DYTN: variants seen among roughly 807,000 people sequenced by gnomAD.
The protein encoded by DYTN is dystrotelin.
Under a neutral mutation model 69.6 loss-of-function variants are expected in DYTN, and 75 were observed. The observed-to-expected ratio is 1.08, with a 90% CI of 0.89 to 1.31. The LOEUF (loss-of-function observed/expected upper bound fraction) is 1.31, where lower values mean the gene tolerates loss of function less well. DYTN is among the 50% of genes most tolerant of loss of function. The pLI, the probability that DYTN is intolerant of heterozygous loss-of-function variation, is 0.00. For synonymous variants in DYTN, 252 were observed against 249.1 expected, an observed-to-expected ratio of 1.01 and a Z score of -0.11; for missense variants, 726 against 688.4, an observed-to-expected ratio of 1.05 and a Z score of -0.61.
intron 5 of DYTN, 37 bp from the exon 6 acceptor site, chr2:206,700,253 G>A: frequency 6.2e-7 from 1 of 1,610,346 alleles, no homozygotes. Context: ...GTTAGAAAGT[G>A]GAGAAATATG....
Position 206,699,848 on chromosome 2 carries a change from C to T in DYTN, c.598G>A (p.Val200Ile), listed in dbSNP as rs543274186. The T allele has an allele frequency of 1.9e-6, 3 of 1,613,678 alleles. No homozygotes were observed. Among genetic ancestry groups the T allele is most frequent in the African/African-American group, 2.7e-5 (2 of 74,998 alleles). The stretch of plus-strand genomic sequence containing the variant: ...AGGAGGATGGGAGGCTCAGATTGGA[C>T]CCAAGACAGGAATTTTTCTTCTTTG... Reference protein sequence around the residue: ...AIKEEKFLSWVQSEPPILLWL... With the variant: ...AIKEEKFLSWIQSEPPILLWL... The change falls in exon 7 of 12, where the codon GTC becomes ATC. Residue 200 changes from valine to isoleucine, a missense_variant. Val to Ile is a conservative substitution (Grantham distance 29). Transcript: ENST00000452335.
chr2:206,706,205 G>A (rs184267096), intron 3 of DYTN, among the ~76,000 whole-genome samples: 4 of 152,090 alleles, frequency 2.6e-5, no homozygotes, highest in African/African-American at 9.6e-5. Context: ...TCAGTTGCCT[G>A]GAAACCAAGC....
At chr2:206,691,494 A>G (rs1699862517) in intron 9 of DYTN, among the ~76,000 whole-genome samples, 1 of 152,212 alleles carries the variant, frequency 6.6e-6, no homozygotes, top group Non-Finnish European at 1.5e-5. Context: ...TATCCAATAT[A>G]TATATAGATG....
intron 9 of DYTN, among the ~76,000 whole-genome samples, chr2:206,687,783 C>T (rs1221541281): frequency 6.6e-6 from 1 of 152,062 alleles, no homozygotes; most frequent in Non-Finnish European, 1.5e-5. Flanking sequence ...TATTAGGTTC[C>T]CATATATGCT....
chr2:206,709,617 C>T (rs1341850035), intron 2 of DYTN, among the ~76,000 whole-genome samples: 1 of 152,138 alleles, frequency 6.6e-6, no homozygotes, highest in Non-Finnish European at 1.5e-5. Flanking sequence ...CCTACATTCA[C>T]ATATATTTTG....
At chr2:206,665,760 G>GT in intron 10 of DYTN, 110 bp downstream of exon 10, 1 of 1,327,968 alleles carries the variant, frequency 7.5e-7, no homozygotes. Context: ...GGGAGAAGAG[G>GT]CAAGGGAAGA....
chr2:206,710,378 C>A, intron 2 of DYTN, 146 bp downstream of exon 2: 1 of 670,436 alleles, frequency 1.5e-6, no homozygotes, highest in South Asian at 2.3e-5. Flanking sequence ...TCCATCTTCT[C>A]TGTCACGAAT....
At chr2:206,685,249 C>T (rs1463701878) in intron 9 of DYTN, among the ~76,000 whole-genome samples, 1 of 152,020 alleles carries the variant, frequency 6.6e-6, no homozygotes, top group African/African-American at 2.4e-5. Context: ...GTAGCCTCGA[C>T]CTACCAGGCT....
chr2:206,660,109 A>G (rs1202805002), intron 11 of DYTN, among the ~76,000 whole-genome samples: 1 of 152,178 alleles, frequency 6.6e-6, no homozygotes, highest in Non-Finnish European at 1.5e-5. Flanking sequence ...CAATGGTTCT[A>G]TTGAGATTGT....
At chr2:206,676,957 T>C (rs960156404) in intron 9 of DYTN, among the ~76,000 whole-genome samples, 18 of 152,178 alleles carry the variant, frequency 1.2e-4, no homozygotes, top group Non-Finnish European at 1.9e-4. Flanking sequence ...TTTATATATT[T>C]ATTTATTAAG....
chr2:206,716,166 C>T (rs572958179), intron 1 of DYTN, among the ~76,000 whole-genome samples: 17 of 152,204 alleles, frequency 1.1e-4, no homozygotes, highest in Admixed American at 7.9e-4. Context: ...TATCAAGGTA[C>T]AGTGCCTTGA....
At chr2:206,656,888 A>C (rs935837087) in intron 11 of DYTN, among the ~76,000 whole-genome samples, 1 of 151,042 alleles carries the variant, frequency 6.6e-6, no homozygotes, top group Non-Finnish European at 1.5e-5. Context: ...TCAGCCTCCT[A>C]AGTAACTGGG....
chr2:206,687,623 A>G (rs1271310760), intron 9 of DYTN, among the ~76,000 whole-genome samples: 1 of 151,166 alleles, frequency 6.6e-6, no homozygotes, highest in Non-Finnish European at 1.5e-5. Context: ...CTTTTTTCTA[A>G]TATTTATTTT....
chr2:206,665,381 CTTAT>C (rs1699558464), intron 10 of DYTN, among the ~76,000 whole-genome samples: 2 of 151,512 alleles, frequency 1.3e-5, no homozygotes, highest in African/African-American at 4.8e-5. Flanking sequence ...AATTTTATTA[CTTAT>C]TTAATTTATT....
intron 4 of DYTN, 62 bp downstream of exon 4, chr2:206,705,726 T>A (rs1700018388): frequency 6.7e-7 from 1 of 1,489,170 alleles, no homozygotes; most frequent in Admixed American, 1.8e-5. Context: ...GGATATAGGA[T>A]AACAGGTTGG....
At chr2:206,716,310 C>T (rs1046900558) in intron 1 of DYTN, among the ~76,000 whole-genome samples, 4 of 152,086 alleles carry the variant, frequency 2.6e-5, no homozygotes, top group African/African-American at 4.8e-5. Flanking sequence ...CAGGCCAGAG[C>T]CACCCCAGGC....
intron 7 of DYTN, among the ~76,000 whole-genome samples, chr2:206,697,975 T>A (rs900024004): frequency 3.2e-4 from 48 of 152,258 alleles, no homozygotes; most frequent in Admixed American, 1.2e-3. Flanking sequence ...TGAAAACATA[T>A]TTCAATGTAA....
At chr2:206,659,759 A>T (rs1699488348) in intron 11 of DYTN, among the ~76,000 whole-genome samples, 1 of 152,174 alleles carries the variant, frequency 6.6e-6, no homozygotes, top group Admixed American at 6.5e-5. Context: ...TGAAAATAGG[A>T]TCATATTCAA....
At chr2:206,697,539 T>C (rs1029073447) in intron 7 of DYTN, among the ~76,000 whole-genome samples, 8 of 152,134 alleles carry the variant, frequency 5.3e-5, no homozygotes, top group African/African-American at 1.9e-4. Flanking sequence ...AAAACATAAG[T>C]TTAAAGTTAG....
Sources: gnomAD v4.1 joint callset for allele counts (sites outside exome capture counted in the v4.1 genomes callset) on GRCh38, gnomAD v4.1.1 for gene constraint, MANE v1.5 for transcripts, NCBI Gene and HGNC (gene_info 2026-07-23, HGNC 2026-07-21) for gene names.